Variants in ZNF407 observed in about 807,000 individuals in gnomAD.
ZNF407 encodes the protein zinc finger protein 407.
In ZNF407, 17 loss-of-function variants were observed where a neutral mutation model predicts 131.2. The ratio of observed to expected loss-of-function variants is 0.13; its 90% CI spans 0.09 to 0.19. The LOEUF is 0.19. Ranked by LOEUF, ZNF407 falls within the 10% of genes least tolerant of loss-of-function variation. ZNF407 has a pLI of 1.00. For missense variants in ZNF407, 2,681 were observed against 2,830.6 expected (o/e 0.95, Z 1.20); for synonymous variants, 1,156 against 1,062.0 (o/e 1.09, Z -1.72).
At chr18:74,751,110 A>G (rs1968790273) in intron 3 of ZNF407, among the ~76,000 whole-genome samples, 1 of 152,068 alleles carries the variant, frequency 6.6e-6, no homozygotes, top group South Asian at 2.1e-4. Context: ...TTGAAGCACA[A>G]ACTTCTTTAA....
intron 8 of ZNF407, among the ~76,000 whole-genome samples, chr18:75,052,222 A>C (rs1044317816): frequency 4.6e-5 from 7 of 152,264 alleles, no homozygotes; most frequent in African/African-American, 1.7e-4. Flanking sequence ...GATTAAGCAT[A>C]TAAAGTGTTT....
intron 4 of ZNF407, among the ~76,000 whole-genome samples, chr18:74,783,620 C>T (rs574654512): frequency 1.7e-4 from 25 of 148,550 alleles, no homozygotes; most frequent in African/African-American, 5.0e-4. Flanking sequence ...ATATTTATTT[C>T]TGTCCTGAAT....
intron 8 of ZNF407, among the ~76,000 whole-genome samples, chr18:75,018,636 G>A (rs1335495860): frequency 1.3e-5 from 2 of 151,838 alleles, no homozygotes; most frequent in Non-Finnish European, 1.5e-5. Context: ...GTAGAAATTA[G>A]CAAACCTTAC....
At chr18:74,787,698 A>G (rs1281034481) in intron 4 of ZNF407, among the ~76,000 whole-genome samples, 1 of 152,038 alleles carries the variant, frequency 6.6e-6, no homozygotes, top group African/African-American at 2.4e-5. Flanking sequence ...TCTTCTATTC[A>G]TTTCTTAATG....
intron 6 of ZNF407, among the ~76,000 whole-genome samples, chr18:74,881,944 G>A (rs950110998): frequency 1.3e-5 from 2 of 152,144 alleles, no homozygotes; most frequent in African/African-American, 4.8e-5. Context: ...CTTACATGGC[G>A]ACAGACAAGA....
intron 4 of ZNF407, among the ~76,000 whole-genome samples, chr18:74,860,093 C>T (rs1970916192): frequency 6.6e-6 from 1 of 152,058 alleles, no homozygotes; most frequent in African/African-American, 2.4e-5. Flanking sequence ...ATTGCTTGAG[C>T]CCAGGAGTTT....
rs367646543 is a variant in ZNF407 at position 74,864,047 on chromosome 18, AGCATTTGGAGT to A, written c.4878-13145_4878-13135del. On this transcript the variant is annotated intron_variant, in intron 4 of 8. Transcript: ENST00000299687. ...TCTTTATTCCTGAGGATAATTAAAT[AGCATTTGGAGT>A]GCATGTAGACTCTATGGGCAGGAAA... Among the ~76,000 whole-genome samples, 564 of 152,328 alleles carry A rather than the reference AGCATTTGGAGT, an allele frequency of 3.7e-3. 1 individual carries two copies. The highest frequency in any genetic ancestry group is 0.013 in the African/African-American group (533 of 41,576).
chr18:74,905,312 C>T (rs1236988788), intron 7 of ZNF407: 1 of 152,238 alleles, frequency 6.6e-6, no homozygotes, highest in Non-Finnish European at 1.5e-5. Flanking sequence ...ATGATTGGGT[C>T]TGAAAGGCTG....
chr18:74,672,510 CTG>C (rs1423647676), intron 3 of ZNF407, among the ~76,000 whole-genome samples: 11 of 136,470 alleles, frequency 8.1e-5, no homozygotes, highest in African/African-American at 2.9e-4. Context: ...CACTGTGTCT[CTG>C]TTCGTTGGAG....
chr18:74,992,388 A>G (rs1382591109), intron 8 of ZNF407, among the ~76,000 whole-genome samples: 2 of 152,146 alleles, frequency 1.3e-5, no homozygotes, highest in Non-Finnish European at 1.5e-5. Flanking sequence ...CCTTGTTGGG[A>G]TGGAGACATA....
At chr18:74,831,594 T>C (rs1328592231) in intron 4 of ZNF407, among the ~76,000 whole-genome samples, 1 of 152,186 alleles carries the variant, frequency 6.6e-6, no homozygotes, top group Admixed American at 6.5e-5. Context: ...GTGGTAGTCT[T>C]TCCTTCCTTT....
At chr18:74,776,933 C>T (rs942771009) in intron 3 of ZNF407, among the ~76,000 whole-genome samples, 1 of 152,212 alleles carries the variant, frequency 6.6e-6, no homozygotes, top group Middle Eastern at 3.4e-3. Context: ...TCCTTTTGAT[C>T]GTCGCATTAA....
intron 3 of ZNF407, among the ~76,000 whole-genome samples, chr18:74,684,223 G>A (rs900936453): frequency 1.3e-5 from 2 of 151,826 alleles, no homozygotes; most frequent in African/African-American, 4.8e-5. Flanking sequence ...AAAAAGTAAG[G>A]ATTTTTTTTT....
chr18:74,874,408 A>C (rs2145176643), intron 4 of ZNF407, among the ~76,000 whole-genome samples: 1 of 152,332 alleles, frequency 6.6e-6, no homozygotes, highest in African/African-American at 2.4e-5. Flanking sequence ...CCATGTGGGG[A>C]TAGAAAAGCA....
At chr18:74,891,920 A>G (rs1190690168) in intron 7 of ZNF407, among the ~76,000 whole-genome samples, 4 of 151,738 alleles carry the variant, frequency 2.6e-5, no homozygotes, top group Non-Finnish European at 5.9e-5. Flanking sequence ...TTTATTTTTT[A>G]TACTTAAAAA....
chr18:74,805,986 T>G (rs1970103383), intron 4 of ZNF407, among the ~76,000 whole-genome samples: 1 of 152,248 alleles, frequency 6.6e-6, no homozygotes, highest in Non-Finnish European at 1.5e-5. Flanking sequence ...AATACATTTT[T>G]TTCCTAGTGA....
intron 4 of ZNF407, among the ~76,000 whole-genome samples, chr18:74,846,395 A>G (rs1970703512): frequency 1.3e-5 from 2 of 150,938 alleles, no homozygotes; most frequent in Admixed American, 6.6e-5. Flanking sequence ...GCTGGAGTGC[A>G]TTGGTGCTAT....
At chr18:74,822,506 A>G (rs1049193884) in intron 4 of ZNF407, among the ~76,000 whole-genome samples, 6 of 152,178 alleles carry the variant, frequency 3.9e-5, no homozygotes, top group Admixed American at 6.5e-5. Flanking sequence ...TCCAAACACC[A>G]TTTATTAAAT....
At chr18:74,628,321 CA>C (rs1983895212) in intron 1 of ZNF407, among the ~76,000 whole-genome samples, 1 of 152,046 alleles carries the variant, frequency 6.6e-6, no homozygotes. Context: ...TGGATGTGTG[CA>C]ACTATCACCA....
Sources: gnomAD v4.1 joint callset for allele counts (sites outside exome capture counted in the v4.1 genomes callset) on GRCh38, gnomAD v4.1.1 for gene constraint, MANE v1.5 for transcripts, NCBI Gene and HGNC (gene_info 2026-07-23, HGNC 2026-07-21) for gene names.